Variants in CCDC50 observed in about 807,000 individuals in gnomAD.
The protein encoded by CCDC50 is coiled-coil domain containing 50.
CCDC50 carries 54 observed loss-of-function variants against 70.2 expected under a neutral mutation model. The observed-to-expected ratio is 0.77, with a 90% CI of 0.62 to 0.96. The LOEUF (loss-of-function observed/expected upper bound fraction) is 0.96. Ranked by LOEUF, CCDC50 falls within the 50% of genes least tolerant of loss-of-function variation. The pLI, the probability that CCDC50 is intolerant of heterozygous loss-of-function variation, is 0.00. For synonymous variants in CCDC50, 216 were observed against 198.8 expected (o/e 1.09, Z -0.73); for missense variants, 558 against 578.7 (o/e 0.96, Z 0.37).
In CCDC50 at chr3:191,357,112, AG is replaced by A; in HGVS notation, c.76del (p.Asp26ThrfsTer42). The A allele has an allele frequency of 6.2e-7, 1 of 1,613,362 alleles. No homozygotes were observed. The highest frequency in any genetic ancestry group is 1.1e-5 in the South Asian group (1 of 91,052). On this transcript the variant is annotated frameshift_variant, in exon 2 of 12. Transcript: ENST00000392455. LOFTEE classifies it high-confidence loss of function. ...GTATGCCGAGATTTTGCTGTCCTGG[AG>A]GACCACACCCTGGCTCACAGCCTGC... ...KEVCRDFAVLEDHTLAHSLQE... is the reference protein window; with the variant it reads ...KEVCRDFAVLXDHTLAHSLQE...
Position 191,348,957 on chromosome 3 carries a change from A to G in CCDC50, c.50-8131A>G, listed in dbSNP as rs562601426. On this transcript the variant is annotated intron_variant, in intron 1 of 11. Coordinates refer to ENST00000392455, the MANE Select transcript of CCDC50 (RefSeq NM_178335.3). Reference sequence around the variant, plus strand: ...AGCCTGAAAGTGAGAAATTTTAGCTATCAGTGATCAGCAACTCAGAACTAA... The same window carrying G: ...AGCCTGAAAGTGAGAAATTTTAGCTGTCAGTGATCAGCAACTCAGAACTAA... Among the ~76,000 whole-genome samples, 15 of 142,296 alleles carry G rather than the reference A, an allele frequency of 1.1e-4. 1 individual carries two copies. The South Asian group carries it at 3.1e-3, about 29-fold the overall frequency. The allele number at this position is 142,296 out of a possible 152,430, so 93.4% of individuals were successfully genotyped here.
intron 1 of CCDC50, among the ~76,000 whole-genome samples, chr3:191,341,796 A>G (rs1170284645): frequency 1.3e-5 from 2 of 152,240 alleles, no homozygotes; most frequent in South Asian, 2.1e-4. Context: ...CTTAAAATCT[A>G]TGTGTAACTC....
intron 4 of CCDC50, among the ~76,000 whole-genome samples, chr3:191,363,116 G>A (rs556485898): frequency 4.0e-5 from 6 of 151,662 alleles, no homozygotes; most frequent in East Asian, 3.9e-4. Context: ...AGGATAGAAA[G>A]AGAAAATAAA....
chr3:191,354,357 A>T (rs529402617), intron 1 of CCDC50, among the ~76,000 whole-genome samples: 141 of 152,174 alleles, frequency 9.3e-4, no homozygotes, highest in African/African-American at 3.0e-3. Flanking sequence ...TATTAAAAAA[A>T]TTTTTTTTAA....
At chr3:191,373,403 A>G (rs1426297950) in intron 5 of CCDC50, among the ~76,000 whole-genome samples, 1 of 152,198 alleles carries the variant, frequency 6.6e-6, no homozygotes, top group African/African-American at 2.4e-5. Flanking sequence ...ATATCTATTA[A>G]CTATTTAGAA....
At chr3:191,364,702 T>A (rs1225629895) in intron 4 of CCDC50, among the ~76,000 whole-genome samples, 1 of 152,162 alleles carries the variant, frequency 6.6e-6, no homozygotes, top group Non-Finnish European at 1.5e-5. Context: ...AATTTTATTA[T>A]GTTTGTTAAC....
rs1171235929 is a variant in CCDC50 at position 191,375,420 on chromosome 3, T to C, written c.807T>C (p.Ser269=). 1 of 1,613,702 alleles carries C rather than the reference T, an allele frequency of 6.2e-7. No homozygotes were observed. Among genetic ancestry groups the C allele is most frequent in the South Asian group, 1.1e-5 (1 of 91,048 alleles). ...NHQTRNWEKQ[S]RHQDRLSPKS... ...AGACTCGAAATTGGGAAAAACAGTC[T>C]CGACACCAAGATCGACTTTCACCCA... The change falls in exon 6 of 12, where the codon TCT becomes TCC. Residue 269 remains serine, a synonymous_variant. Coordinates refer to ENST00000392455, the MANE Select transcript of CCDC50 (RefSeq NM_178335.3).
chr3:191,396,773 A>G lies in CCDC50; in HGVS notation c.*5013A>G, dbSNP rs1401886178. 2.0e-5 allele frequency: 3 copies of G among 152,236 alleles called. No individual in the cohort carries two copies. Among genetic ancestry groups the G allele is most frequent in the Non-Finnish European group, 2.9e-5 (2 of 68,038 alleles). The allele number at this position is 152,236 out of a possible 1,614,324, so 9.4% of individuals were successfully genotyped here. A position where few individuals can be genotyped will look rare whatever the true frequency, so the allele number is the denominator to read the frequency against. The stretch of plus-strand genomic sequence containing the variant: ...GAAAAGCAGGAAAACTTTTGCTTTG[A>G]TAAGAAAGACACCAGAGTGGTGATT... On this transcript the variant is annotated 3_prime_UTR_variant, in exon 12 of 12. Coordinates refer to ENST00000392455, the MANE Select transcript of CCDC50 (RefSeq NM_178335.3).
At chr3:191,354,992 T>G (rs1712231968) in intron 1 of CCDC50, among the ~76,000 whole-genome samples, 1 of 152,154 alleles carries the variant, frequency 6.6e-6, no homozygotes, top group South Asian at 2.1e-4. Flanking sequence ...CCTGAATATT[T>G]TTTATTTGTG....
chr3:191,380,885 C>A lies in CCDC50; in HGVS notation c.1195C>A (p.Arg399=), dbSNP rs377042068. ...GAAAGCTTACAAAAAAGCCAAGGAG[C>A]GGGAGAAATCATCTTTGGACAAAAG... The part of the protein sequence containing the change: ...EKKAYKKAKE[R]EKSSLDKRKQ... Residue 399 remains arginine (R), a synonymous_variant, in exon 9 of 12, where the codon CGG becomes AGG. Coordinates refer to ENST00000392455, the MANE Select transcript of CCDC50 (RefSeq NM_178335.3). 2 of 1,612,688 alleles carry A rather than the reference C, an allele frequency of 1.2e-6. No homozygotes were observed. The highest frequency in any genetic ancestry group is 3.3e-5 in the Admixed American group (2 of 59,860).
chr3:191,395,020 G>A lies in CCDC50; in HGVS notation c.*3260G>A, dbSNP rs1222702641. 1 of 152,130 alleles carries A rather than the reference G, an allele frequency of 6.6e-6. No individual in the cohort carries two copies. The highest frequency in any genetic ancestry group is 1.5e-5 in the Non-Finnish European group (1 of 68,000). The allele number at this position is 152,130 out of a possible 1,614,324, so 9.4% of individuals were successfully genotyped here. A position where few individuals can be genotyped will look rare whatever the true frequency, so the allele number is the denominator to read the frequency against. On this transcript the variant is annotated 3_prime_UTR_variant, in exon 12 of 12. Transcript: ENST00000392455. ...TAACCCTAGGTGTTCTGATGATAGAGAAATAGCTAAATTAGAAAAGAAAGA... is the reference window on the plus strand; with the variant it reads ...TAACCCTAGGTGTTCTGATGATAGAAAAATAGCTAAATTAGAAAAGAAAGA...
Position 191,363,376 on chromosome 3 carries a change from C to T in CCDC50, c.330+2217C>T, listed in dbSNP as rs1005470309. On this transcript the variant is annotated intron_variant, in intron 4 of 11. Transcript: ENST00000392455. ...GAAACATGTGGACTTTGGAGTTACACTCACCTGGGTTTGAATTTTAGCTCA... is the reference window on the plus strand; with the variant it reads ...GAAACATGTGGACTTTGGAGTTACATTCACCTGGGTTTGAATTTTAGCTCA... 2.6e-5 allele frequency among the ~76,000 whole-genome samples: 4 copies of T among 152,310 alleles called. 1 individual carries two copies. The highest frequency in any genetic ancestry group is 2.6e-4 in the Admixed American group (4 of 15,298).
rs1034174752 is a variant in CCDC50, at chr3:191,344,516, G to A, written c.50-12572G>A. ...TATTTGTGACACTAAAGGATAGAAC[G>A]ATGTTGGATCGATAGAACATATTGA... On this transcript the variant is annotated intron_variant, in intron 1 of 11. Transcript: ENST00000392455. 3.3e-5 allele frequency among the ~76,000 whole-genome samples: 5 copies of A among 152,302 alleles called. No individual in the cohort carries two copies. In the South Asian group the frequency reaches 6.2e-4, roughly 19 times the overall value.
chr3:191,355,209 A>T (rs1484588452), intron 1 of CCDC50, among the ~76,000 whole-genome samples: 1 of 152,200 alleles, frequency 6.6e-6, no homozygotes, highest in Non-Finnish European at 1.5e-5. Context: ...ATTAAGACTG[A>T]CTTTTAATAT....
At chr3:191,379,102 A>G (rs1405622405) in intron 6 of CCDC50, among the ~76,000 whole-genome samples, 1 of 152,176 alleles carries the variant, frequency 6.6e-6, no homozygotes, top group East Asian at 1.9e-4. Context: ...TTTAATTTAC[A>G]GTAATTTTAA....
Position 191,380,244 on chromosome 3 carries a change from T to A in CCDC50, c.1062T>A (p.Ile354=). 1.2e-6 allele frequency: 2 copies of A among 1,612,870 alleles called. No individual in the cohort carries two copies. Among genetic ancestry groups the A allele is most frequent in the Non-Finnish European group, 8.5e-7 (1 of 1,179,214 alleles). The part of the protein sequence containing the change: ...HRDQEWYDAE[I]ARKLQEEELL... ...ATCAGGAATGGTATGATGCTGAAATTGCCAGAAAACTGCAAGAAGAAGAAC... is the reference window on the plus strand; with the variant it reads ...ATCAGGAATGGTATGATGCTGAAATAGCCAGAAAACTGCAAGAAGAAGAAC... The change falls in exon 7 of 12, where the codon ATT becomes ATA. Residue 354 remains isoleucine, a synonymous_variant. Coordinates refer to ENST00000392455, the MANE Select transcript of CCDC50 (RefSeq NM_178335.3).
chr3:191,330,059 T>TA (rs1251269297), intron 1 of CCDC50, among the ~76,000 whole-genome samples: 1 of 151,830 alleles, frequency 6.6e-6, no homozygotes, highest in East Asian at 1.9e-4. Context: ...ACTCCGCTTC[T>TA]AAAAAATCGA....
intron 1 of CCDC50, among the ~76,000 whole-genome samples, chr3:191,343,665 A>G (rs547942351): frequency 1.3e-5 from 2 of 152,340 alleles, no homozygotes; most frequent in East Asian, 3.9e-4. Context: ...AAGAAGGTAC[A>G]GGAGACAAGA....
intron 10 of CCDC50, 48 bp from the exon 11 acceptor site, chr3:191,389,448 T>C (rs778551937): frequency 2.3e-5 from 33 of 1,440,962 alleles, no homozygotes; most frequent in Non-Finnish European, 3.1e-5. Flanking sequence ...GGTGGAGTTG[T>C]AGTAAGCGTT....
Sources: gnomAD v4.1 joint callset for allele counts (sites outside exome capture counted in the v4.1 genomes callset) on GRCh38, gnomAD v4.1.1 for gene constraint, MANE v1.5 for transcripts, NCBI Gene and HGNC (gene_info 2026-07-23, HGNC 2026-07-21) for gene names.